GABRB3: variants seen among roughly 807,000 people sequenced by gnomAD.
The protein encoded by GABRB3 is gamma-aminobutyric acid receptor subunit beta-3.
A neutral mutation model predicts 52.1 loss-of-function variants in GABRB3; 14 were observed. The observed-to-expected ratio is 0.27, with a 90% confidence interval of 0.18 to 0.42. The LOEUF is 0.42. GABRB3 is among the 10% of genes least tolerant of loss of function. The probability of loss-of-function intolerance (pLI) is 1.00; values close to 1 mark genes in which losing one functional copy is unlikely to be tolerated. For missense variants in GABRB3, 307 were observed against 609.1 expected (o/e 0.50, Z 5.22); for synonymous variants, 260 against 232.3 (o/e 1.12, Z -1.08).
chr15:26,568,762 ACCTCGGCCTC>A (rs1890283585), intron 6 of GABRB3, among the ~76,000 whole-genome samples: 1 of 144,242 alleles, frequency 6.9e-6, no homozygotes, highest in Non-Finnish European at 1.5e-5. Context: ...TGATCCACCC[ACCTCGGCCTC>A]CCAAAGTGCT....
intron 4 of GABRB3, among the ~76,000 whole-genome samples, chr15:26,597,162 G>A (rs1595469759): frequency 1.3e-5 from 2 of 152,280 alleles, no homozygotes; most frequent in Admixed American, 1.3e-4. Flanking sequence ...CTGCCACACT[G>A]GGGATTCAGT....
rs571441457 is a variant in GABRB3 at position 26,664,232 on chromosome 15, A to G, written c.241-42698T>C. Among the ~76,000 whole-genome samples, 4 of 152,310 alleles carry G rather than the reference A, an allele frequency of 2.6e-5. No individual in the cohort carries two copies. In the East Asian group the frequency reaches 7.7e-4, roughly 29 times the overall value. On this transcript the variant is annotated intron_variant, in intron 3 of 8. Transcript: ENST00000311550. Reference sequence around the variant, plus strand: ...TAATTGATTTTTAAATTTTTTGTAGAGATGGGGTCTTGCTATGTTGCCCAG... The same window carrying G: ...TAATTGATTTTTAAATTTTTTGTAGGGATGGGGTCTTGCTATGTTGCCCAG...
rs112761963 is a variant in GABRB3, at chr15:26,583,814, G to A, written c.462-400C>T. ...TTTTTGATCAGAGTCTTGCTCTGTC[G>A]CCCAGGCTGGAGTGCACTGGCATGA... On this transcript the variant is annotated intron_variant, in intron 4 of 8. Coordinates refer to ENST00000311550, the MANE Select transcript of GABRB3 (RefSeq NM_000814.6). Among the ~76,000 whole-genome samples, 12 of 140,932 alleles carry A rather than the reference G, an allele frequency of 8.5e-5. 1 individual carries two copies. Among genetic ancestry groups the A allele is most frequent in the East Asian group, 8.1e-4 (4 of 4,918 alleles). 92.5% of individuals were successfully genotyped at this position (140,932 alleles called of 152,430 possible). A position where few individuals can be genotyped will look rare whatever the true frequency, so the allele number is the denominator to read the frequency against.
At chr15:26,595,003 C>T (rs1392035584) in intron 4 of GABRB3, among the ~76,000 whole-genome samples, 1 of 152,214 alleles carries the variant, frequency 6.6e-6, no homozygotes, top group African/African-American at 2.4e-5. Flanking sequence ...CTTTTCTGAG[C>T]ATACTTCTTG....
intron 3 of GABRB3, among the ~76,000 whole-genome samples, chr15:26,625,795 A>C: frequency 6.6e-6 from 1 of 152,098 alleles, no homozygotes; most frequent in East Asian, 1.9e-4. Context: ...CTGGCTGACA[A>C]GGGGCTGGGG....
chr15:26,560,316 C>T (rs1889931338), intron 8 of GABRB3, among the ~76,000 whole-genome samples: 1 of 152,224 alleles, frequency 6.6e-6, no homozygotes, highest in Non-Finnish European at 1.5e-5. Context: ...CCCTGTTACT[C>T]ACTTCTGTAA....
At chr15:26,741,788 T>C (rs2036255130) in intron 3 of GABRB3, among the ~76,000 whole-genome samples, 1 of 152,092 alleles carries the variant, frequency 6.6e-6, no homozygotes, top group East Asian at 1.9e-4. Context: ...TTTTAATTTT[T>C]TGTAGAGATG....
intron 4 of GABRB3, among the ~76,000 whole-genome samples, chr15:26,598,302 T>C (rs569280039): frequency 6.6e-6 from 1 of 152,236 alleles, no homozygotes; most frequent in South Asian, 2.1e-4. Flanking sequence ...TTGAAGTTTT[T>C]ATAAGAGGAT....
chr15:26,580,754 G>C, intron 5 of GABRB3: 1 of 461,764 alleles, frequency 2.2e-6, no homozygotes, highest in Non-Finnish European at 4.0e-6. Context: ...ACACCACACA[G>C]AGATGAATTT....
chr15:26,676,644 C>T (rs1474574747), intron 3 of GABRB3, among the ~76,000 whole-genome samples: 1 of 152,162 alleles, frequency 6.6e-6, no homozygotes, highest in Admixed American at 6.6e-5. Flanking sequence ...TCTTAGATTT[C>T]AGTTTCTTAG....
intron 3 of GABRB3, among the ~76,000 whole-genome samples, chr15:26,769,787 T>A (rs1891097401): frequency 6.6e-6 from 1 of 152,200 alleles, no homozygotes; most frequent in Admixed American, 6.5e-5. Context: ...CTCTGTTCTG[T>A]GTGCCTCTGT....
intron 3 of GABRB3, among the ~76,000 whole-genome samples, chr15:26,655,577 C>T (rs1049447836): frequency 1.3e-5 from 2 of 152,042 alleles, no homozygotes; most frequent in African/African-American, 4.8e-5. Context: ...CCTGTCTCTA[C>T]TAAAAATACA....
At chr15:26,764,167 AAAAAAAAAAAAAATATATATATAT>A (rs1890910354) in intron 3 of GABRB3, among the ~76,000 whole-genome samples, 3 of 25,838 alleles carry the variant, frequency 1.2e-4, no homozygotes, top group Admixed American at 6.6e-4. Flanking sequence ...AAAAAAAAAA[AAAAAAAAAAAAAATATATATATAT>A]ATATATATAT....
At chr15:26,680,067 A>G (rs559307474) in intron 3 of GABRB3, among the ~76,000 whole-genome samples, 1 of 152,322 alleles carries the variant, frequency 6.6e-6, no homozygotes, top group South Asian at 2.1e-4. Context: ...ATTAACAGTT[A>G]AATCAATAGA....
At chr15:26,562,877 G>A (rs1393544164) in intron 7 of GABRB3, among the ~76,000 whole-genome samples, 1 of 152,192 alleles carries the variant, frequency 6.6e-6, no homozygotes, top group Admixed American at 6.5e-5. Context: ...GGTTGCTGAC[G>A]GAATGTATGG....
chr15:26,754,327 G>C (rs956287501), intron 3 of GABRB3, among the ~76,000 whole-genome samples: 1 of 152,128 alleles, frequency 6.6e-6, no homozygotes, highest in African/African-American at 2.4e-5. Context: ...AGAAAAGAGA[G>C]AGACAGAGAC....
intron 4 of GABRB3, among the ~76,000 whole-genome samples, chr15:26,603,644 A>C (rs1182950762): frequency 1.3e-5 from 2 of 152,110 alleles, no homozygotes; most frequent in Admixed American, 1.3e-4. Context: ...AATGTGACAC[A>C]CTGTGTCAAC....
intron 3 of GABRB3, among the ~76,000 whole-genome samples, chr15:26,757,956 C>G (rs1280238938): frequency 1.3e-5 from 2 of 152,140 alleles, no homozygotes; most frequent in Non-Finnish European, 2.9e-5. Context: ...CTTACAAGCC[C>G]TCTTCTCTAC....
chr15:26,719,011 T>C (rs1889574096), intron 3 of GABRB3, among the ~76,000 whole-genome samples: 1 of 152,238 alleles, frequency 6.6e-6, no homozygotes, highest in South Asian at 2.1e-4. Context: ...CAGGCCCCTC[T>C]GTGCATCTCC....
Sources: gnomAD v4.1 joint callset for allele counts (sites outside exome capture counted in the v4.1 genomes callset) on GRCh38, gnomAD v4.1.1 for gene constraint, MANE v1.5 for transcripts, NCBI Gene and HGNC (gene_info 2026-07-23, HGNC 2026-07-21) for gene names.